The following LCLAT1 variants were observed in gnomAD, a reference collection of about 807,000 sequenced individuals.
LCLAT1 encodes the protein 1-AGP acyltransferase 8.
A neutral mutation model predicts 30.7 loss-of-function variants in LCLAT1; 11 were observed. The observed-to-expected ratio is 0.36, with a 90% CI of 0.23 to 0.59. The LOEUF (loss-of-function observed/expected upper bound fraction) is 0.59. LCLAT1 is among the 20% of genes least tolerant of loss of function. The probability of loss-of-function intolerance (pLI) is 0.77; values close to 1 mark genes in which losing one functional copy is unlikely to be tolerated. For synonymous variants in LCLAT1, 155 were observed against 151.3 expected (o/e 1.02, Z -0.18); for missense variants, 402 against 458.6 (o/e 0.88, Z 1.13).
At chr2:30,469,991 A>G (rs1325786357) in intron 1 of LCLAT1, among the ~76,000 whole-genome samples, 1 of 152,168 alleles carries the variant, frequency 6.6e-6, no homozygotes, top group Admixed American at 6.5e-5. Context: ...TCAGCCTCCC[A>G]AAGTGCTGGG....
At chr2:30,542,949 A>G (rs2363313) in intron 3 of LCLAT1, among the ~76,000 whole-genome samples, 16,809 of 131,772 alleles carry the variant, frequency 0.13, 1,330 homozygotes, top group East Asian at 0.31. Flanking sequence ...TTCGACTTTT[A>G]TGGCTTTTTT....
At chr2:30,639,965 C>T in intron 5 of LCLAT1, 152 bp from the exon 6 acceptor site, 1 of 626,828 alleles carries the variant, frequency 1.6e-6, no homozygotes, top group Non-Finnish European at 2.8e-6. Context: ...ACCCAGGTGT[C>T]CAGGAACACC....
intron 1 of LCLAT1, among the ~76,000 whole-genome samples, chr2:30,490,178 G>T (rs932698020): frequency 6.6e-6 from 1 of 150,822 alleles, no homozygotes; most frequent in African/African-American, 2.4e-5. Context: ...TACAGTCTCA[G>T]CTAATTTAGG....
chr2:30,595,728 A>G (rs6737498), intron 5 of LCLAT1, among the ~76,000 whole-genome samples: 13,429 of 152,080 alleles, frequency 0.088, 1,095 homozygotes, highest in African/African-American at 0.22. Context: ...TGCTGCACCT[A>G]TCAACCCATC....
intron 1 of LCLAT1, among the ~76,000 whole-genome samples, chr2:30,494,727 G>T (rs912237584): frequency 3.3e-5 from 5 of 151,520 alleles, no homozygotes; most frequent in Non-Finnish European, 7.4e-5. Flanking sequence ...TTGCTCAAGG[G>T]ATGCCATGTC....
At chr2:30,601,795 A>G (rs1667196310) in intron 5 of LCLAT1, among the ~76,000 whole-genome samples, 1 of 152,006 alleles carries the variant, frequency 6.6e-6, no homozygotes, top group African/African-American at 2.4e-5. Context: ...CATAAATAGT[A>G]TAATTTAATT....
intron 1 of LCLAT1, among the ~76,000 whole-genome samples, chr2:30,492,186 C>T (rs1309703075): frequency 6.6e-6 from 1 of 151,962 alleles, no homozygotes; most frequent in Non-Finnish European, 1.5e-5. Flanking sequence ...ATAAGACATA[C>T]ATGAAAAAAG....
chr2:30,575,209 C>T (rs11127277), intron 5 of LCLAT1, among the ~76,000 whole-genome samples: 19,156 of 152,066 alleles, frequency 0.13, 1,339 homozygotes, highest in South Asian at 0.23. Context: ...TTCTTATTCT[C>T]ATCATACTCT....
At chr2:30,535,431 A>AC (rs1686197303) in intron 3 of LCLAT1, among the ~76,000 whole-genome samples, 1 of 151,956 alleles carries the variant, frequency 6.6e-6, no homozygotes, top group Non-Finnish European at 1.5e-5. Flanking sequence ...ACGTGTGTTC[A>AC]CCCCCCAGGG....
At chr2:30,476,995 G>A (rs535621067) in intron 1 of LCLAT1, among the ~76,000 whole-genome samples, 1 of 152,176 alleles carries the variant, frequency 6.6e-6, no homozygotes, top group African/African-American at 2.4e-5. Context: ...TTAATTTTTG[G>A]CCCATAAGGT....
At chr2:30,487,211 G>A (rs1683600334) in intron 1 of LCLAT1, among the ~76,000 whole-genome samples, 1 of 152,162 alleles carries the variant, frequency 6.6e-6, no homozygotes. Flanking sequence ...CCCAGCTAAG[G>A]CACTCAGTAA....
At chr2:30,536,112 A>G (rs571539816) in intron 3 of LCLAT1, among the ~76,000 whole-genome samples, 1 of 152,344 alleles carries the variant, frequency 6.6e-6, no homozygotes, top group East Asian at 1.9e-4. Flanking sequence ...CAGCTAGATC[A>G]AAAGAAAGAA....
intron 1 of LCLAT1, among the ~76,000 whole-genome samples, chr2:30,508,786 T>C (rs1180839018): frequency 6.6e-6 from 1 of 152,198 alleles, no homozygotes. Flanking sequence ...AAAATAGTTT[T>C]TTTCTAGTTC....
At chr2:30,554,148 T>A (rs1664812695) in intron 3 of LCLAT1, among the ~76,000 whole-genome samples, 1 of 152,198 alleles carries the variant, frequency 6.6e-6, no homozygotes, top group South Asian at 2.1e-4. Flanking sequence ...TTAGAAAAGT[T>A]TTATAGCAAA....
chr2:30,463,938 T>C (rs558100540), intron 1 of LCLAT1, among the ~76,000 whole-genome samples: 1 of 152,394 alleles, frequency 6.6e-6, no homozygotes, highest in Non-Finnish European at 1.5e-5. Context: ...GTGAGCATTT[T>C]TATCTTTTCT....
chr2:30,623,017 C>T (rs117016120), intron 5 of LCLAT1, among the ~76,000 whole-genome samples: 7 of 151,524 alleles, frequency 4.6e-5, no homozygotes, highest in African/African-American at 1.7e-4. Flanking sequence ...CAAGGAGGCA[C>T]CAGAGAAAGG....
At chr2:30,562,329 G>A (rs1665268801) in intron 4 of LCLAT1, 37 bp downstream of exon 4, 2 of 1,542,008 alleles carry the variant, frequency 1.3e-6, no homozygotes, top group Non-Finnish European at 1.8e-6. Context: ...TAGAAATCAT[G>A]TAGTCTAAAC....
chr2:30,518,563 G>A (rs1685307460), intron 1 of LCLAT1, among the ~76,000 whole-genome samples: 1 of 152,174 alleles, frequency 6.6e-6, no homozygotes, highest in Non-Finnish European at 1.5e-5. Flanking sequence ...CCATGCAATA[G>A]CCCCTGCAGT....
At chr2:30,557,417 ATT>A (rs778342698) in intron 3 of LCLAT1, among the ~76,000 whole-genome samples, 2 of 140,734 alleles carry the variant, frequency 1.4e-5, no homozygotes, top group African/African-American at 2.6e-5. Flanking sequence ...ATTCACATCA[ATT>A]TTTTTTTTTT....
Sources: gnomAD v4.1 joint callset for allele counts (sites outside exome capture counted in the v4.1 genomes callset) on GRCh38, gnomAD v4.1.1 for gene constraint, MANE v1.5 for transcripts, NCBI Gene and HGNC (gene_info 2026-07-23, HGNC 2026-07-21) for gene names.